The following C21orf58 variants were observed in gnomAD, a reference collection of about 807,000 sequenced individuals.
C21orf58 encodes the protein uncharacterized protein C21orf58.
C21orf58 carries 34 observed loss-of-function variants against 35.8 expected under a neutral mutation model. That is an observed-to-expected ratio of 0.95 (90% CI 0.72 to 1.26). The LOEUF is 1.26. Among genes scored for constraint, C21orf58 ranks in the 50% most tolerant of loss-of-function variants. The probability of loss-of-function intolerance (pLI) is 0.00; values close to 1 mark genes in which losing one functional copy is unlikely to be tolerated. For missense variants in C21orf58, 440 were observed against 414.3 expected, an observed-to-expected ratio of 1.06 and a Z score of -0.54; for synonymous variants, 191 against 175.8, an observed-to-expected ratio of 1.09 and a Z score of -0.68.
At chr21:46,318,321 G>A in intron 1 of C21orf58, 101 bp from the exon 2 acceptor site, 1 of 1,526,456 alleles carries the variant, frequency 6.6e-7, no homozygotes, top group East Asian at 2.4e-5. Flanking sequence ...TTGCCAGGCT[G>A]CCAGACACAG....
intron 6 of C21orf58, among the ~76,000 whole-genome samples, chr21:46,306,609 A>T (rs62224181): frequency 0.3 from 44,973 of 152,032 alleles, 7,332 homozygotes; most frequent in Admixed American, 0.4. Flanking sequence ...TTATTTAGAG[A>T]CAGGGTTTCA....
At chr21:46,320,189 G>A (rs1470423952) in intron 1 of C21orf58, among the ~76,000 whole-genome samples, 1 of 151,484 alleles carries the variant, frequency 6.6e-6, no homozygotes, top group Non-Finnish European at 1.5e-5. Context: ...TGCAACCTCC[G>A]CCTCCCGGGT....
chr21:46,322,227 C>T (rs965355245), intron 1 of C21orf58, among the ~76,000 whole-genome samples: 1 of 151,872 alleles, frequency 6.6e-6, no homozygotes, highest in Non-Finnish European at 1.5e-5. Context: ...GTTGAGGCTG[C>T]AATGAGCGGT....
Position 46,322,731 on chromosome 21 carries a change from C to T in C21orf58, c.8G>A (p.Arg3Gln). ...GAGGGAGGTTGCAGGGAGCCGAGATCGCGCCATTGCGCTATAGCCTGGGCG... is the reference window on the plus strand; with the variant it reads ...GAGGGAGGTTGCAGGGAGCCGAGATTGCGCCATTGCGCTATAGCCTGGGCG... MA[R>Q]SRLPATSLRK... is the part of the protein sequence containing the mutation. Residue 3 changes from arginine (R) to glutamine (Q), a missense_variant, in exon 1 of 8, where the codon CGA (arginine) becomes CAA (glutamine). Coordinates refer to ENST00000291691, the MANE Select transcript of C21orf58 (RefSeq NM_058180.5). The T allele has an allele frequency of 6.6e-7, 1 of 1,525,300 alleles. No homozygotes were observed. 94.5% of individuals were successfully genotyped at this position (1,525,300 alleles called of 1,614,324 possible).
chr21:46,319,588 C>A (rs1167951638), intron 1 of C21orf58, among the ~76,000 whole-genome samples: 1 of 152,132 alleles, frequency 6.6e-6, no homozygotes, highest in Non-Finnish European at 1.5e-5. Context: ...CACAACAAGA[C>A]CCCATCTCTA....
intron 6 of C21orf58, among the ~76,000 whole-genome samples, chr21:46,310,768 C>A (rs2082644232): frequency 6.6e-6 from 1 of 151,696 alleles, no homozygotes. Flanking sequence ...TGAGATCATG[C>A]CATTGTATTC....
chr21:46,303,707 AAAT>A (rs1569115906), intron 6 of C21orf58, among the ~76,000 whole-genome samples: 150 of 41,486 alleles, frequency 3.6e-3, no homozygotes, highest in African/African-American at 6.9e-3. Flanking sequence ...CACACACACA[AAAT>A]ATATATATAT....
At chr21:46,317,880 C>A in intron 2 of C21orf58, 132 bp downstream of exon 2, 1 of 976,634 alleles carries the variant, frequency 1.0e-6, no homozygotes, top group Non-Finnish European at 1.5e-6. Flanking sequence ...AGGATGGGTC[C>A]GCTGGGCTGC....
chr21:46,302,789 C>T (rs1601626493), intron 6 of C21orf58, among the ~76,000 whole-genome samples: 1 of 63,530 alleles, frequency 1.6e-5, no homozygotes, highest in African/African-American at 6.5e-5. Context: ...GCGCCCTGAG[C>T]CCGTCTGCAC....
rs2083250769 is a variant in C21orf58 at position 46,323,642 on chromosome 21, G to A, written c.-904C>T. 1 of 156,194 alleles carries A rather than the reference G, an allele frequency of 6.4e-6. No individual in the cohort carries two copies. The highest frequency in any genetic ancestry group is 6.3e-5 in the Admixed American group (1 of 15,762). 9.7% of individuals were successfully genotyped at this position (156,194 alleles called of 1,614,324 possible). On this transcript the variant is annotated 5_prime_UTR_variant, in exon 1 of 8. Coordinates refer to ENST00000291691, the MANE Select transcript of C21orf58 (RefSeq NM_058180.5). ...CCGGCAAGGGTGAGGGAGCCCTTGC[G>A]GATCCCCTGAGATCCACCTCAGCAG...
At chr21:46,303,745 A>ATT (rs869177693) in intron 6 of C21orf58, among the ~76,000 whole-genome samples, 5 of 23,822 alleles carry the variant, frequency 2.1e-4, no homozygotes, top group South Asian at 2.3e-3. Context: ...ATATATATAT[A>ATT]TTTTTTTTTT....
chr21:46,317,084 C>T (rs569676257), intron 3 of C21orf58, 124 bp downstream of exon 3: 27 of 748,852 alleles, frequency 3.6e-5, no homozygotes, highest in African/African-American at 5.3e-5. Flanking sequence ...ACAATCTCGC[C>T]GGTACCAGGA....
At chr21:46,321,636 A>T (rs1202974124) in intron 1 of C21orf58, among the ~76,000 whole-genome samples, 9 of 152,174 alleles carry the variant, frequency 5.9e-5, no homozygotes. Flanking sequence ...CAGGTTACAG[A>T]AAGGAAGCAT....
rs141733450 is a variant in C21orf58, at chr21:46,318,090, C to T, written c.231G>A (p.Ser77=). The change falls in exon 2 of 8, where the codon TCG becomes TCA. Residue 77 remains serine, a synonymous_variant. Coordinates refer to ENST00000291691, the MANE Select transcript of C21orf58 (RefSeq NM_058180.5). Reference sequence around the variant, plus strand: ...CCAGCATGGTGGGAGCTGCAGGAGACGACTGTAGGGGCAGGGGAGGCCACA... The same window carrying T: ...CCAGCATGGTGGGAGCTGCAGGAGATGACTGTAGGGGCAGGGGAGGCCACA... ...GGLWPPLPLQ[S]SPAAPTMLDS... 0.011 allele frequency: 17,416 copies of T among 1,613,310 alleles called. 142 individuals are homozygous for T. Among genetic ancestry groups the T allele is most frequent in the Non-Finnish European group, 0.01 (12,321 of 1,179,992 alleles).
At chr21:46,322,439 T>C (rs2083201170) in intron 1 of C21orf58, 200 bp downstream of exon 1, 1 of 985,226 alleles carries the variant, frequency 1.0e-6, no homozygotes, top group Non-Finnish European at 1.2e-6. Flanking sequence ...TGTAAATGTA[T>C]TGTAACACGT....
chr21:46,300,629 TC>T (rs1474803532), downstream of C21orf58: 3 of 1,219,808 alleles, frequency 2.5e-6, no homozygotes, highest in African/African-American at 4.7e-5. Flanking sequence ...CCTTCGGTGT[TC>T]ACACCTGCCC....
chr21:46,303,917 AATTTTTTGT>A, intron 6 of C21orf58, among the ~76,000 whole-genome samples: 1 of 145,562 alleles, frequency 6.9e-6, no homozygotes, highest in African/African-American at 2.5e-5. Context: ...GCGCCCGGCT[AATTTTTTGT>A]ATTTTTTGTA....
chr21:46,317,339 A>C (rs1379645273), intron 2 of C21orf58, 71 bp from the exon 3 acceptor site: 2 of 1,570,504 alleles, frequency 1.3e-6, no homozygotes, highest in African/African-American at 2.7e-5. Context: ...AGGAATGACT[A>C]AGAGGCTTTC....
At chr21:46,310,700 T>C (rs1253710232) in intron 6 of C21orf58, among the ~76,000 whole-genome samples, 1 of 150,788 alleles carries the variant, frequency 6.6e-6, no homozygotes, top group Non-Finnish European at 1.5e-5. Context: ...TTCCAGCCAC[T>C]TGGGAGGCTG....
Sources: allele counts gnomAD v4.1 joint callset (sites outside exome capture counted in the v4.1 genomes callset), GRCh38; gene constraint gnomAD v4.1.1; transcripts MANE v1.5; gene names NCBI Gene and HGNC (gene_info 2026-07-23, HGNC 2026-07-21).